Variants in PMP22 observed in about 807,000 individuals in gnomAD.
PMP22 encodes the protein peripheral myelin protein 22, also known as Charcot-Marie-Tooth neuropathy 1A (greatly reduced nerve conduction velocity, hereditary motor sensory neuropathy Ia).
In PMP22, 2 loss-of-function variants were observed where a neutral mutation model predicts 18.9. The ratio of observed to expected loss-of-function variants is 0.11; its 90% CI spans 0.04 to 0.33. The LOEUF (loss-of-function observed/expected upper bound fraction) is 0.33. Ranked by LOEUF, PMP22 falls within the 10% of genes least tolerant of loss-of-function variation. PMP22 has a pLI of 1.00. For synonymous variants in PMP22, 95 were observed against 89.2 expected (o/e 1.07, Z -0.37); for missense variants, 169 against 202.2 (o/e 0.84, Z 1.00).
At position 15,239,989 on chromosome 17, in the gene PMP22, A is replaced by G. The variant is rs187168959; in HGVS notation, c.179-378T>C. Among the ~76,000 whole-genome samples, 263 of 152,330 alleles carry G rather than the reference A, an allele frequency of 1.7e-3. 3 individuals carry two copies. Among genetic ancestry groups the G allele is most frequent in the Non-Finnish European group, 2.0e-3 (135 of 68,020 alleles). Reference sequence around the variant, plus strand: ...ATATACACATATACAAATACGTGACACACACATATATATAAAAAACACATG... The same window carrying G: ...ATATACACATATACAAATACGTGACGCACACATATATATAAAAAACACATG... On this transcript the variant is annotated intron_variant, in intron 3 of 4. Coordinates refer to ENST00000312280, the MANE Select transcript of PMP22 (RefSeq NM_000304.4).
chr17:15,241,144 C>T (rs1395731489), intron 3 of PMP22, among the ~76,000 whole-genome samples: 2 of 152,120 alleles, frequency 1.3e-5, no homozygotes, highest in African/African-American at 4.8e-5. Context: ...TAGCACTCTT[C>T]ACATTCAAGC....
rs1367712114 is a variant in PMP22, at chr17:15,239,693, C to T, written c.179-82G>A. The stretch of plus-strand genomic sequence containing the variant: ...CCTCGAGGTGCAGGGCCTGAAGGGC[C>T]ATGACTGCTGACAGCACAGTCCTCA... On this transcript the variant is annotated intron_variant, in intron 3 of 4. Coordinates refer to ENST00000312280, the MANE Select transcript of PMP22 (RefSeq NM_000304.4). 12 of 1,434,802 alleles carry T rather than the reference C, an allele frequency of 8.4e-6. No individual in the cohort carries two copies. The African/African-American group carries it at 8.4e-5, about 10-fold the overall frequency. The allele number at this position is 1,434,802 out of a possible 1,614,324, so 88.9% of individuals were successfully genotyped here. A position where few individuals can be genotyped will look rare whatever the true frequency, so the allele number is the denominator to read the frequency against.
intron 3 of PMP22, among the ~76,000 whole-genome samples, chr17:15,251,192 C>T (rs1050934447): frequency 5.9e-5 from 9 of 152,166 alleles, no homozygotes; most frequent in Non-Finnish European, 1.3e-4. Context: ...CCTTCCCTGT[C>T]TTCTAAATCT....
At chr17:15,252,907 T>C (rs866208325) in intron 3 of PMP22, among the ~76,000 whole-genome samples, 7 of 152,210 alleles carry the variant, frequency 4.6e-5, no homozygotes, top group Non-Finnish European at 2.9e-5. Context: ...AAGCCGCCTG[T>C]GGCTTAATTC....
rs576797825 is a variant in PMP22, at chr17:15,261,960, A to G, written c.-34-1199T>C. 6.6e-6 allele frequency: 1 copy of G among 152,366 alleles called. No homozygotes were observed. Among genetic ancestry groups the G allele is most frequent in the East Asian group, 1.9e-4 (1 of 5,178 alleles). The allele number at this position is 152,366 out of a possible 1,614,324, so 9.4% of individuals were successfully genotyped here. A position where few individuals can be genotyped will look rare whatever the true frequency, so the allele number is the denominator to read the frequency against. ...ATCCCAGGCCCCTCTGTTCCTCTCC[A>G]CAAGCATCACATTCAAAGAAACTCT... is the stretch of plus-strand genomic sequence containing the variant. On this transcript the variant is annotated intron_variant, in intron 1 of 4. Transcript: ENST00000312280. This position sits in a 1 kb window ranked among gnomAD's most constrained non-coding sequence, Gnocchi z 5.2.
At position 15,260,802 on chromosome 17, in the gene PMP22, C is replaced by T. The variant is rs535854111; in HGVS notation, c.-34-41G>A. On this transcript the variant is annotated intron_variant, in intron 1 of 4. Transcript: ENST00000312280. ...TGGGCGTGAGGCCGAACGCACTGGG[C>T]CGAGCGACGGAGGCGCGCGCAGAGG... The T allele has an allele frequency of 2.9e-5, 39 of 1,332,444 alleles. No homozygotes were observed. In the African/African-American group the frequency reaches 5.1e-4, roughly 17 times the overall value. 82.5% of individuals were successfully genotyped at this position (1,332,444 alleles called of 1,614,324 possible).
chr17:15,236,484 A>G (rs534208688), intron 4 of PMP22, among the ~76,000 whole-genome samples: 1 of 152,254 alleles, frequency 6.6e-6, no homozygotes. Context: ...TTCCACTTAA[A>G]ACGCTCCAGT....
At chr17:15,259,685 T>G (rs1909137341) in intron 2 of PMP22, among the ~76,000 whole-genome samples, 1 of 151,628 alleles carries the variant, frequency 6.6e-6, no homozygotes, top group Non-Finnish European at 1.5e-5. Flanking sequence ...CTCACACCTG[T>G]AATCCCAGCA....
Position 15,260,866 on chromosome 17 carries a change from A to G in PMP22, c.-34-105T>C, listed in dbSNP as rs927953812. 1.6e-4 allele frequency: 128 copies of G among 815,110 alleles called. 2 individuals carry two copies. In the East Asian group the frequency reaches 3.6e-3, roughly 23 times the overall value. The allele number at this position is 815,110 out of a possible 1,614,324, so 50.5% of individuals were successfully genotyped here. The stretch of plus-strand genomic sequence containing the variant: ...ACTAGCGGAAGGCCCGGCCTGGCCC[A>G]GCGCCCGCAGCCCGACCGCCCGCGC... On this transcript the variant is annotated intron_variant, in intron 1 of 4. Transcript: ENST00000312280.
At position 15,261,342 on chromosome 17, in the gene PMP22, C is replaced by G. The variant is rs1448331156; in HGVS notation, c.-34-581G>C. 3 of 152,776 alleles carry G rather than the reference C, an allele frequency of 2.0e-5. No homozygotes were observed. The highest frequency in any genetic ancestry group is 7.2e-5 in the African/African-American group (3 of 41,462). 9.5% of individuals were successfully genotyped at this position (152,776 alleles called of 1,614,324 possible). A position where few individuals can be genotyped will look rare whatever the true frequency, so the allele number is the denominator to read the frequency against. ...CGTTTGTCTCCAAGTTTCCACCCAA[C>G]TCTGCCAGCGTAGAGGAACGGTCCT... On this transcript the variant is annotated intron_variant, in intron 1 of 4. Coordinates refer to ENST00000312280, the MANE Select transcript of PMP22 (RefSeq NM_000304.4). This position sits in a 1 kb window ranked among gnomAD's most constrained non-coding sequence, Gnocchi z 5.2.
chr17:15,257,672 T>A (rs191878721), intron 3 of PMP22, among the ~76,000 whole-genome samples: 2 of 152,326 alleles, frequency 1.3e-5, no homozygotes, highest in Admixed American at 1.3e-4. Context: ...TTTCATTTAC[T>A]CAGTTGCCAA....
At chr17:15,250,667 T>C (rs561912501) in intron 3 of PMP22, among the ~76,000 whole-genome samples, 1 of 152,318 alleles carries the variant, frequency 6.6e-6, no homozygotes, top group East Asian at 1.9e-4. Context: ...CCTAACTCCC[T>C]ACATCTAACC....
At chr17:15,238,483 C>T (rs1292494199) in intron 4 of PMP22, among the ~76,000 whole-genome samples, 1 of 152,276 alleles carries the variant, frequency 6.6e-6, no homozygotes, top group South Asian at 2.1e-4. Context: ...GAATTGAGAA[C>T]ATCTCCCAGT....
At chr17:15,263,354 A>G (rs1325472549) in intron 1 of PMP22, among the ~76,000 whole-genome samples, 1 of 152,056 alleles carries the variant, frequency 6.6e-6, no homozygotes, top group African/African-American at 2.4e-5. Context: ...CGAGGTGGCC[A>G]TTTGAGGTGG....
chr17:15,235,417 A>C, intron 4 of PMP22: 1 of 685,722 alleles, frequency 1.5e-6, no homozygotes. Context: ...TCTTCCTTTT[A>C]GGTCTGTGTC....
chr17:15,244,729 G>A (rs990360996), intron 3 of PMP22, among the ~76,000 whole-genome samples: 4 of 152,238 alleles, frequency 2.6e-5, no homozygotes, highest in Admixed American at 6.5e-5. Context: ...ATGTAATTGC[G>A]TATAGACATC....
intron 3 of PMP22, among the ~76,000 whole-genome samples, chr17:15,252,521 C>T (rs143789491): frequency 6.6e-6 from 1 of 152,294 alleles, no homozygotes; most frequent in East Asian, 1.9e-4. Context: ...AGCAGACCCA[C>T]CTGTTGTCAC....
At chr17:15,232,457 C>G (rs1221827008) in intron 4 of PMP22, 2 of 152,178 alleles carry the variant, frequency 1.3e-5, no homozygotes, top group Admixed American at 6.5e-5. Context: ...CAGTTTTGAT[C>G]TGCTGGGGAC....
chr17:15,263,930 C>G (rs967799115), intron 1 of PMP22, among the ~76,000 whole-genome samples: 1 of 152,162 alleles, frequency 6.6e-6, no homozygotes, highest in African/African-American at 2.4e-5. Flanking sequence ...TCCAACAAAC[C>G]TAATCACCCT....
Sources: allele counts gnomAD v4.1 joint callset (sites outside exome capture counted in the v4.1 genomes callset), GRCh38; gene constraint gnomAD v4.1.1; non-coding constraint Gnocchi (gnomAD v3.1); transcripts MANE v1.5; gene names NCBI Gene and HGNC (gene_info 2026-07-23, HGNC 2026-07-21).